The following ANXA10 variants were observed in gnomAD, a reference collection of about 807,000 sequenced individuals.
The protein encoded by ANXA10 is annexin A10, also known as annexin 14.
A neutral mutation model predicts 53.5 loss-of-function variants in ANXA10; 49 were observed. The observed-to-expected ratio is 0.92, with a 90% CI of 0.73 to 1.16. The LOEUF is 1.16. Among genes scored for constraint, ANXA10 ranks in the 50% most tolerant of loss-of-function variants. The pLI is 0.00. For missense variants in ANXA10, 393 were observed against 394.4 expected (o/e 1.00, Z 0.03); for synonymous variants, 131 against 128.9 (o/e 1.02, Z -0.11).
chr4:168,174,604 G>A lies in ANXA10; in HGVS notation c.481-3136G>A, dbSNP rs143053867. Among the ~76,000 whole-genome samples, 242 of 152,338 alleles carry A rather than the reference G, an allele frequency of 1.6e-3. 3 individuals carry two copies. Among genetic ancestry groups the A allele is most frequent in the African/African-American group, 5.3e-3 (219 of 41,576 alleles). The stretch of plus-strand genomic sequence containing the variant: ...CAGGGCGAGCAAGGCCCAGGCAGGA[G>A]CATTGCCAGCCACAGAGGTCTCCAA... On this transcript the variant is annotated intron_variant, in intron 6 of 11. Transcript: ENST00000359299.
At chr4:168,157,582 T>G (rs1731711404) in intron 3 of ANXA10, among the ~76,000 whole-genome samples, 1 of 152,166 alleles carries the variant, frequency 6.6e-6, no homozygotes, top group African/African-American at 2.4e-5. Flanking sequence ...GCATTTCTAA[T>G]ACCTCCAGAC....
intron 2 of ANXA10, among the ~76,000 whole-genome samples, chr4:168,131,394 G>T (rs1731154633): frequency 6.6e-6 from 1 of 151,868 alleles, no homozygotes. Context: ...TCAAGAATGT[G>T]GTCTATTTTG....
Position 168,165,338 on chromosome 4 carries a change from CA to C in ANXA10, c.480+16del. Reference sequence around the variant, plus strand: ...TGAACTTGGTCCAGGTATGGCATTCCAAAATTTACATTACTTTGCACTATCT... The same window carrying C: ...TGAACTTGGTCCAGGTATGGCATTCCAAATTTACATTACTTTGCACTATCT... On this transcript the variant is annotated intron_variant, in intron 6 of 11. Coordinates refer to ENST00000359299, the MANE Select transcript of ANXA10 (RefSeq NM_007193.5). 7.0e-7 allele frequency: 1 copy of C among 1,433,074 alleles called. No individual in the cohort carries two copies. The highest frequency in any genetic ancestry group is 9.5e-7 in the Non-Finnish European group (1 of 1,057,414). The allele number at this position is 1,433,074 out of a possible 1,614,324, so 88.8% of individuals were successfully genotyped here.
rs1413036678 is a variant in ANXA10, at chr4:168,096,400, G to A, written c.18+3682G>A. ...CAAAAGTTTTGAATCATGCTGTTAT[G>A]GCTTCAACTTTTACTGAAACTTCTG... On this transcript the variant is annotated intron_variant, in intron 1 of 11. Transcript: ENST00000359299. Among the ~76,000 whole-genome samples the A allele has an allele frequency of 2.0e-5, 3 of 152,070 alleles. No individual in the cohort carries two copies. The South Asian group carries it at 6.2e-4, about 32-fold the overall frequency.
rs1238147362 is a variant in ANXA10, at chr4:168,110,190, G to A, written c.18+17472G>A. ...AGTTAGCCACTGCACTCCAGCCTGG[G>A]CGACAGAGCGAGACTCCTTCTCAAA... On this transcript the variant is annotated intron_variant, in intron 1 of 11. Coordinates refer to ENST00000359299, the MANE Select transcript of ANXA10 (RefSeq NM_007193.5). Among the ~76,000 whole-genome samples the A allele has an allele frequency of 4.6e-5, 7 of 152,048 alleles. 1 individual carries two copies. The highest frequency in any genetic ancestry group is 3.9e-4 in the Admixed American group (6 of 15,266).
At chr4:168,105,021 G>T (rs1206687625) in intron 1 of ANXA10, among the ~76,000 whole-genome samples, 1 of 151,892 alleles carries the variant, frequency 6.6e-6, no homozygotes, top group African/African-American at 2.4e-5. Flanking sequence ...TGTGATAAAT[G>T]TAGATGAGTG....
intron 3 of ANXA10, among the ~76,000 whole-genome samples, chr4:168,155,794 A>ATATTATATATC (rs1560783750): frequency 1.2e-4 from 3 of 25,054 alleles, no homozygotes; most frequent in African/African-American, 3.6e-4. Context: ...TATTATATAT[A>ATATTATATATC]ATATATAATA....
At chr4:168,155,340 A>G (rs893802446) in intron 3 of ANXA10, among the ~76,000 whole-genome samples, 3 of 125,290 alleles carry the variant, frequency 2.4e-5, no homozygotes, top group Non-Finnish European at 4.8e-5. Flanking sequence ...ATTACATTAT[A>G]TATAATATAT....
chr4:168,123,601 G>T (rs1414440128), intron 1 of ANXA10, among the ~76,000 whole-genome samples: 1 of 152,192 alleles, frequency 6.6e-6, no homozygotes, highest in Non-Finnish European at 1.5e-5. Context: ...GACTTAGCAA[G>T]ATTCTCATTA....
At chr4:168,108,502 A>G (rs1232443005) in intron 1 of ANXA10, among the ~76,000 whole-genome samples, 2 of 152,180 alleles carry the variant, frequency 1.3e-5, no homozygotes, top group Non-Finnish European at 2.9e-5. Flanking sequence ...ATGGCAAACA[A>G]TCTTCTCTTG....
rs189549339 is a variant in ANXA10 at position 168,111,523 on chromosome 4, T to C, written c.19-16561T>C. 2.2e-4 allele frequency among the ~76,000 whole-genome samples: 34 copies of C among 152,302 alleles called. No homozygotes were observed. The East Asian group carries it at 5.6e-3, about 25-fold the overall frequency. On this transcript the variant is annotated intron_variant, in intron 1 of 11. Coordinates refer to ENST00000359299, the MANE Select transcript of ANXA10 (RefSeq NM_007193.5). ...GCAGTAGTTTAAATCCATAACACTT[T>C]ACAGAGGACACAACATTCAAGGCAC... is the stretch of plus-strand genomic sequence containing the variant.
intron 1 of ANXA10, among the ~76,000 whole-genome samples, chr4:168,127,206 A>C (rs967921579): frequency 2.0e-5 from 3 of 152,158 alleles, no homozygotes; most frequent in African/African-American, 7.2e-5. Flanking sequence ...TCAGTCCAAA[A>C]TAATGCACCA....
intron 6 of ANXA10, among the ~76,000 whole-genome samples, chr4:168,172,134 A>G (rs556264465): frequency 6.6e-6 from 1 of 152,168 alleles, no homozygotes; most frequent in Non-Finnish European, 1.5e-5. Flanking sequence ...TGGTACTTAC[A>G]TCAATTAAAC....
At position 168,096,042 on chromosome 4, in the gene ANXA10, G is replaced by A. The variant is rs138930933; in HGVS notation, c.18+3324G>A. On this transcript the variant is annotated intron_variant, in intron 1 of 11. Coordinates refer to ENST00000359299, the MANE Select transcript of ANXA10 (RefSeq NM_007193.5). The stretch of plus-strand genomic sequence containing the variant: ...TAGCCTAACTAGAATAAAAATAAAT[G>A]CATTGGTTTTTAGCAGTGGATTACA... Among the ~76,000 whole-genome samples, 611 of 152,206 alleles carry A rather than the reference G, an allele frequency of 4.0e-3. 5 individuals carry two copies. The highest frequency in any genetic ancestry group is 0.014 in the African/African-American group (576 of 41,530).
chr4:168,181,638 GT>G lies in ANXA10; in HGVS notation c.725-41del, dbSNP rs747370355. 7 of 1,447,882 alleles carry G rather than the reference GT, an allele frequency of 4.8e-6. No individual in the cohort carries two copies. The South Asian group carries it at 7.0e-5, about 14-fold the overall frequency. The allele number at this position is 1,447,882 out of a possible 1,614,324, so 89.7% of individuals were successfully genotyped here. ...TTCTCAAATTCTGACGAAAATATAT[GT>G]TTTCACTCTCAATGTTTCTTCTTCT... On this transcript the variant is annotated intron_variant, in intron 9 of 11. Coordinates refer to ENST00000359299, the MANE Select transcript of ANXA10 (RefSeq NM_007193.5).
At chr4:168,187,286 G>A (rs879526882) in intron 11 of ANXA10, 80 bp from the exon 12 acceptor site, 5 of 902,014 alleles carry the variant, frequency 5.5e-6, no homozygotes, top group Non-Finnish European at 6.6e-6. Flanking sequence ...CTCTTTCATA[G>A]TGCAGTCCAG....
chr4:168,168,554 G>C (rs1305063447), intron 6 of ANXA10, among the ~76,000 whole-genome samples: 1 of 151,940 alleles, frequency 6.6e-6, no homozygotes, highest in South Asian at 2.1e-4. Context: ...CGAGTAGCTG[G>C]GATTACAGGC....
chr4:168,103,310 G>T (rs77965999), intron 1 of ANXA10, among the ~76,000 whole-genome samples: 1,878 of 151,844 alleles, frequency 0.012, 35 homozygotes, highest in African/African-American at 0.041. Flanking sequence ...TTCTATTAAG[G>T]TCTATGACAA....
At chr4:168,158,747 A>G (rs1453130169) in intron 3 of ANXA10, among the ~76,000 whole-genome samples, 1 of 152,054 alleles carries the variant, frequency 6.6e-6, no homozygotes. Flanking sequence ...GAATTTTTTT[A>G]TTATGATTAT....
Sources: gnomAD v4.1 joint callset for allele counts (sites outside exome capture counted in the v4.1 genomes callset) on GRCh38, gnomAD v4.1.1 for gene constraint, MANE v1.5 for transcripts, NCBI Gene and HGNC (gene_info 2026-07-23, HGNC 2026-07-21) for gene names.